The following FBXO48 variants were observed in gnomAD, a reference collection of about 807,000 sequenced individuals.
FBXO48 encodes the protein F-box only protein 48.
In FBXO48, 12 loss-of-function variants were observed where a neutral mutation model predicts 14.3. That is an observed-to-expected ratio of 0.84 (90% CI 0.54 to 1.36). FBXO48 has a LOEUF of 1.36. Among genes scored for constraint, FBXO48 ranks in the 40% most tolerant of loss-of-function variants. The pLI is 0.00. For synonymous variants in FBXO48, 53 were observed against 61.7 expected (o/e 0.86, Z 0.66); for missense variants, 177 against 179.1 (o/e 0.99, Z 0.07).
In FBXO48 at chr2:68,460,512, C is replaced by A. The variant is rs2103847012; in HGVS notation, c.*3697G>T. The stretch of plus-strand genomic sequence containing the variant: ...TTTGATTCAGGTGCTTATATATAAA[C>A]TATCTTTGGATATATCAAATATTTT... On this transcript the variant is annotated 3_prime_UTR_variant, in exon 4 of 4. Coordinates refer to ENST00000377957, the MANE Select transcript of FBXO48 (RefSeq NM_001024680.3). 1 of 149,750 alleles carries A rather than the reference C, an allele frequency of 6.7e-6. No homozygotes were observed. The highest frequency in any genetic ancestry group is 2.1e-4 in the South Asian group (1 of 4,778). 9.3% of individuals were successfully genotyped at this position (149,750 alleles called of 1,614,324 possible).
rs202236294 is a variant in FBXO48 at position 68,462,084 on chromosome 2, C to CA, written c.*2124dup. 350 of 151,456 alleles carry CA rather than the reference C, an allele frequency of 2.3e-3. 1 individual carries two copies. Among genetic ancestry groups the CA allele is most frequent in the African/African-American group, 7.6e-3 (313 of 41,204 alleles). The allele number at this position is 151,456 out of a possible 1,614,324, so 9.4% of individuals were successfully genotyped here. A position where few individuals can be genotyped will look rare whatever the true frequency, so the allele number is the denominator to read the frequency against. On this transcript the variant is annotated 3_prime_UTR_variant, in exon 4 of 4. Transcript: ENST00000377957. ...ACAAAAAACTGCCCCCCACCCCGGC[C>CA]AAAAAAAACCACACACTTGGTTGGA...
At position 68,463,292 on chromosome 2, in the gene FBXO48, T is replaced by C. The variant is rs1675314012; in HGVS notation, c.*917A>G. The C allele has an allele frequency of 6.6e-6, 1 of 152,140 alleles. No individual in the cohort carries two copies. 9.4% of individuals were successfully genotyped at this position (152,140 alleles called of 1,614,324 possible). Reference sequence around the variant, plus strand: ...ACAATTTGTTATAGTGAGTAGCATATAATCTGTTTTTATGAAAAAAGAGAA... The same window carrying C: ...ACAATTTGTTATAGTGAGTAGCATACAATCTGTTTTTATGAAAAAAGAGAA... On this transcript the variant is annotated 3_prime_UTR_variant, in exon 4 of 4. Coordinates refer to ENST00000377957, the MANE Select transcript of FBXO48 (RefSeq NM_001024680.3).
In FBXO48 at chr2:68,460,507, A is replaced by G. The variant is rs920848448; in HGVS notation, c.*3702T>C. ...TAAGTTTTGATTCAGGTGCTTATAT[A>G]TAAACTATCTTTGGATATATCAAAT... On this transcript the variant is annotated 3_prime_UTR_variant, in exon 4 of 4. Coordinates refer to ENST00000377957, the MANE Select transcript of FBXO48 (RefSeq NM_001024680.3). 6.6e-6 allele frequency: 1 copy of G among 150,876 alleles called. No individual in the cohort carries two copies. Among genetic ancestry groups the G allele is most frequent in the African/African-American group, 2.4e-5 (1 of 40,852 alleles). The allele number at this position is 150,876 out of a possible 1,614,324, so 9.3% of individuals were successfully genotyped here. A position where few individuals can be genotyped will look rare whatever the true frequency, so the allele number is the denominator to read the frequency against.
In FBXO48 at chr2:68,461,518, G is replaced by A. The variant is rs1400287293; in HGVS notation, c.*2691C>T. 1 of 147,776 alleles carries A rather than the reference G, an allele frequency of 6.8e-6. No homozygotes were observed. Among genetic ancestry groups the A allele is most frequent in the Non-Finnish European group, 1.5e-5 (1 of 67,016 alleles). The allele number at this position is 147,776 out of a possible 1,614,324, so 9.2% of individuals were successfully genotyped here. A position where few individuals can be genotyped will look rare whatever the true frequency, so the allele number is the denominator to read the frequency against. On this transcript the variant is annotated 3_prime_UTR_variant, in exon 4 of 4. Coordinates refer to ENST00000377957, the MANE Select transcript of FBXO48 (RefSeq NM_001024680.3). ...TCACCTTGTTAGCCAGGATGGTCTC[G>A]ATCTCCTGACCTCATGATCCACCCG...
In FBXO48 at chr2:68,461,129, G is replaced by T. The variant is rs1356387582; in HGVS notation, c.*3080C>A. On this transcript the variant is annotated 3_prime_UTR_variant, in exon 4 of 4. Coordinates refer to ENST00000377957, the MANE Select transcript of FBXO48 (RefSeq NM_001024680.3). ...GGCAACGAAACCACATCAGGTGGGG[G>T]TCCCAGTATGATGGTGAAACTCAAT... 2 of 152,084 alleles carry T rather than the reference G, an allele frequency of 1.3e-5. No homozygotes were observed. The highest frequency in any genetic ancestry group is 4.8e-5 in the African/African-American group (2 of 41,386). 9.4% of individuals were successfully genotyped at this position (152,084 alleles called of 1,614,324 possible). A position where few individuals can be genotyped will look rare whatever the true frequency, so the allele number is the denominator to read the frequency against.
intron 2 of FBXO48, among the ~76,000 whole-genome samples, chr2:68,465,522 T>TAAAA (rs973083256): frequency 9.0e-6 from 1 of 111,514 alleles, no homozygotes. Context: ...CGCCCCTCTT[T>TAAAA]AAAAAAAAAA....
chr2:68,465,293 T>C, intron 2 of FBXO48, 115 bp from the exon 3 acceptor site: 2 of 629,056 alleles, frequency 3.2e-6, no homozygotes, highest in Non-Finnish European at 5.5e-6. Context: ...AGCTTCTCAA[T>C]CTGTAAAATG....
rs1349125005 is a variant in FBXO48 at position 68,460,554 on chromosome 2, A to G, written c.*3655T>C. 1.3e-5 allele frequency: 2 copies of G among 148,702 alleles called. No homozygotes were observed. The highest frequency in any genetic ancestry group is 3.0e-5 in the Non-Finnish European group (2 of 67,508). 9.2% of individuals were successfully genotyped at this position (148,702 alleles called of 1,614,324 possible). A position where few individuals can be genotyped will look rare whatever the true frequency, so the allele number is the denominator to read the frequency against. On this transcript the variant is annotated 3_prime_UTR_variant, in exon 4 of 4. Coordinates refer to ENST00000377957, the MANE Select transcript of FBXO48 (RefSeq NM_001024680.3). ...AAATATTTTATATATATATATATAT[A>G]CTTATACTATCTTTGGATAAAAATC...
rs1009499270 is a variant in FBXO48, at chr2:68,464,777, T to C, written c.306+63A>G. On this transcript the variant is annotated intron_variant, in intron 3 of 3. Transcript: ENST00000377957. Reference sequence around the variant, plus strand: ...TGACTCCTCCAAGCAGAAGTTAGAATTGGCGCAAACCTGCTATCATAACGC... The same window carrying C: ...TGACTCCTCCAAGCAGAAGTTAGAACTGGCGCAAACCTGCTATCATAACGC... 6.4e-6 allele frequency: 8 copies of C among 1,240,640 alleles called. No homozygotes were observed. The East Asian group carries it at 1.4e-4, about 22-fold the overall frequency. 76.9% of individuals were successfully genotyped at this position (1,240,640 alleles called of 1,614,324 possible).
chr2:68,462,254 G>C lies in FBXO48; in HGVS notation c.*1955C>G, dbSNP rs1379285127. The C allele has an allele frequency of 6.6e-6, 1 of 152,322 alleles. No individual in the cohort carries two copies. Among genetic ancestry groups the C allele is most frequent in the Non-Finnish European group, 1.5e-5 (1 of 68,034 alleles). The allele number at this position is 152,322 out of a possible 1,614,324, so 9.4% of individuals were successfully genotyped here. Reference sequence around the variant, plus strand: ...ATGTGTACATTTACTATTGTACACAGATGCTATTCAGCAAAATGCTTATAG... The same window carrying C: ...ATGTGTACATTTACTATTGTACACACATGCTATTCAGCAAAATGCTTATAG... On this transcript the variant is annotated 3_prime_UTR_variant, in exon 4 of 4. Transcript: ENST00000377957.
At position 68,464,277 on chromosome 2, in the gene FBXO48, C is replaced by A. The variant is rs148116960; in HGVS notation, c.400G>T (p.Glu134Ter). Reference protein sequence around the residue: ...SNICSPISLPEKIMYPMDADT... With the variant: ...SNICSPISLP The stretch of plus-strand genomic sequence containing the variant: ...GCATCCATTGGGTACATGATTTTTT[C>A]TGGTAGGCTAATGGGAGAACAAATG... Residue 134 changes from glutamate (E) to a stop codon, truncating the protein, a stop_gained, in exon 4 of 4, where the codon GAA becomes TAA. Coordinates refer to ENST00000377957, the MANE Select transcript of FBXO48 (RefSeq NM_001024680.3). LOFTEE classifies it high-confidence loss of function. 6.3e-5 allele frequency: 101 copies of A among 1,613,610 alleles called. No homozygotes were observed. The African/African-American group carries it at 1.3e-3, about 20-fold the overall frequency.
chr2:68,465,132 G>T lies in FBXO48; in HGVS notation c.14C>A (p.Ser5Tyr). 6.2e-7 allele frequency: 1 copy of T among 1,606,714 alleles called. No homozygotes were observed. Among genetic ancestry groups the T allele is most frequent in the South Asian group, 1.1e-5 (1 of 90,716 alleles). ...AACTCTTAAATTATTGTTTCTCTTG[G>T]AGTTTTTATGCATAGCTTAATGTTT... MHKNSKRNNNLRVSH... is the reference protein window; with the variant it reads MHKNYKRNNNLRVSH... The change falls in exon 3 of 4, where the codon TCC (serine) becomes TAC (tyrosine). Residue 5 changes from serine to tyrosine, a missense_variant. By Grantham distance (144) the Ser-to-Tyr change is moderately radical (BLOSUM62 -2). Coordinates refer to ENST00000377957, the MANE Select transcript of FBXO48 (RefSeq NM_001024680.3).
Position 68,461,173 on chromosome 2 carries a change from G to A in FBXO48, c.*3036C>T, listed in dbSNP as rs995690961. The A allele has an allele frequency of 6.6e-6, 1 of 152,068 alleles. No individual in the cohort carries two copies. Among genetic ancestry groups the A allele is most frequent in the Non-Finnish European group, 1.5e-5 (1 of 68,024 alleles). The allele number at this position is 152,068 out of a possible 1,614,324, so 9.4% of individuals were successfully genotyped here. On this transcript the variant is annotated 3_prime_UTR_variant, in exon 4 of 4. Transcript: ENST00000377957. ...ACTCAATTTGAATTAATTTAGGTAA[G>A]CAGATAAGGAATGGCTGGGACCAGG... is the stretch of plus-strand genomic sequence containing the variant.
intron 1 of FBXO48, among the ~76,000 whole-genome samples, chr2:68,466,856 G>A (rs1167220223): frequency 6.6e-6 from 1 of 152,102 alleles, no homozygotes; most frequent in African/African-American, 2.4e-5. Flanking sequence ...TTTATGAACT[G>A]AGCTTTCCTG....
chr2:68,461,431 G>T lies in FBXO48; in HGVS notation c.*2778C>A, dbSNP rs1039634339. 1 of 149,992 alleles carries T rather than the reference G, an allele frequency of 6.7e-6. No individual in the cohort carries two copies. Among genetic ancestry groups the T allele is most frequent in the Non-Finnish European group, 1.5e-5 (1 of 67,700 alleles). 9.3% of individuals were successfully genotyped at this position (149,992 alleles called of 1,614,324 possible). On this transcript the variant is annotated 3_prime_UTR_variant, in exon 4 of 4. Transcript: ENST00000377957. ...CCTGCCTCAGCCTCCCGAGTAGCTG[G>T]GACTACAGGCGCCCGCCACCGCGCC...
rs757758296 is a variant in FBXO48 at position 68,464,138 on chromosome 2, C to T, written c.*71G>A. ...CAACAAAATGAACGAATAAAGATAT[C>T]GCTTTTGCAACCTAAGAGTCATTTA... On this transcript the variant is annotated 3_prime_UTR_variant, in exon 4 of 4. Coordinates refer to ENST00000377957, the MANE Select transcript of FBXO48 (RefSeq NM_001024680.3). The T allele has an allele frequency of 1.8e-5, 23 of 1,298,194 alleles. No individual in the cohort carries two copies. Among genetic ancestry groups the T allele is most frequent in the South Asian group, 4.2e-5 (3 of 71,282 alleles). 80.4% of individuals were successfully genotyped at this position (1,298,194 alleles called of 1,614,324 possible).
rs1022607264 is a variant in FBXO48 at position 68,464,781 on chromosome 2, C to T, written c.306+59G>A. 27 of 1,306,584 alleles carry T rather than the reference C, an allele frequency of 2.1e-5. No individual in the cohort carries two copies. The African/African-American group carries it at 2.2e-4, about 11-fold the overall frequency. 80.9% of individuals were successfully genotyped at this position (1,306,584 alleles called of 1,614,324 possible). ...TCCTCCAAGCAGAAGTTAGAATTGG[C>T]GCAAACCTGCTATCATAACGCTGTC... On this transcript the variant is annotated intron_variant, in intron 3 of 3. Transcript: ENST00000377957.
intron 2 of FBXO48, 66 bp from the exon 3 acceptor site, chr2:68,465,244 T>A: frequency 3.7e-6 from 3 of 806,280 alleles, no homozygotes; most frequent in Non-Finnish European, 5.7e-6. Flanking sequence ...TTAAGTCAGA[T>A]GCTTTTTGGG....
intron 1 of FBXO48, 134 bp from the exon 2 acceptor site, chr2:68,466,604 T>A (rs987696897): frequency 6.6e-6 from 1 of 152,172 alleles, no homozygotes; most frequent in Non-Finnish European, 1.5e-5. Flanking sequence ...TTGAAAAGAA[T>A]CTCACATTAG....
Sources: gnomAD v4.1 joint callset for allele counts (sites outside exome capture counted in the v4.1 genomes callset) on GRCh38, gnomAD v4.1.1 for gene constraint, MANE v1.5 for transcripts, NCBI Gene and HGNC (gene_info 2026-07-23, HGNC 2026-07-21) for gene names.